Variants in HDAC4 observed in about 807,000 individuals in gnomAD.
HDAC4 encodes the protein histone deacetylase A.
Under a neutral mutation model 135.1 loss-of-function variants are expected in HDAC4, and 16 were observed. That is an observed-to-expected ratio of 0.12 (90% CI 0.08 to 0.18). The LOEUF is 0.18. Among genes scored for constraint, HDAC4 ranks in the 10% least tolerant of loss-of-function variants. HDAC4 has a pLI of 1.00. For synonymous variants in HDAC4, 685 were observed against 653.4 expected (o/e 1.05, Z -0.74); for missense variants, 1,143 against 1,511.8 (o/e 0.76, Z 4.05).
intron 2 of HDAC4, among the ~76,000 whole-genome samples, chr2:239,268,315 G>A (rs1220439843): frequency 1.3e-5 from 2 of 152,204 alleles, no homozygotes; most frequent in East Asian, 1.9e-4. Context: ...GGCCTGTCCT[G>A]GAAGGAGCAG....
At chr2:239,279,309 A>G (rs1460392445) in intron 2 of HDAC4, among the ~76,000 whole-genome samples, 1 of 152,262 alleles carries the variant, frequency 6.6e-6, no homozygotes, top group Non-Finnish European at 1.5e-5. Context: ...CAAATGACTC[A>G]TTAGAGGGAT....
intron 2 of HDAC4, among the ~76,000 whole-genome samples, chr2:239,333,667 A>G (rs1691731824): frequency 6.6e-6 from 1 of 152,214 alleles, no homozygotes; most frequent in African/African-American, 2.4e-5. Flanking sequence ...ATGCAGAAAA[A>G]GTCTAATACA....
At position 239,126,670 on chromosome 2, in the gene HDAC4, G is replaced by A. The variant is rs2040212871; in HGVS notation, c.1319C>T (p.Ala440Val). Residue 440 changes from alanine to valine, a missense_variant, in exon 12 of 27, where the codon GCA (alanine) becomes GTA (valine). Transcript: ENST00000543185. ...CAAGGACTGTGCGTGGAGGGGCAGTGCTCCCAGGCCTGAAAGATACCAGTC... is the reference window on the plus strand; with the variant it reads ...CAAGGACTGTGCGTGGAGGGGCAGTACTCCCAGGCCTGAAAGATACCAGTC... ...VTDWYLSGLG[A>V]LPLHAQSLVG... The A allele has an allele frequency of 6.2e-7, 1 of 1,613,844 alleles. No individual in the cohort carries two copies. The highest frequency in any genetic ancestry group is 1.1e-5 in the South Asian group (1 of 91,088).
Position 239,358,288 on chromosome 2 carries a change from C to T in HDAC4, c.-219-5370G>A, listed in dbSNP as rs189550478. On this transcript the variant is annotated intron_variant, in intron 1 of 26. Transcript: ENST00000543185. ...TGGACTCACAGATAGTTACGTTATC[C>T]GCTGTGTTATTAGTCCCATACTGCC... is the stretch of plus-strand genomic sequence containing the variant. Among the ~76,000 whole-genome samples, 200 of 152,298 alleles carry T rather than the reference C, an allele frequency of 1.3e-3. 1 individual carries two copies. The highest frequency in any genetic ancestry group is 9.3e-4 in the Non-Finnish European group (63 of 68,030).
Position 239,352,743 on chromosome 2 carries a change from A to T in HDAC4, c.-44T>A. The T allele has an allele frequency of 1.3e-6, 2 of 1,544,444 alleles. No individual in the cohort carries two copies. Among genetic ancestry groups the T allele is most frequent in the Middle Eastern group, 1.7e-4 (1 of 5,988 alleles). On this transcript the variant is annotated 5_prime_UTR_variant, in exon 2 of 27. Transcript: ENST00000543185. This position sits in a 1 kb window ranked among gnomAD's most constrained non-coding sequence, Gnocchi z 4.4. ...CTTTAAGTGATTCGAAATGGCTCAA[A>T]ATTTCCACGGAAACGATAGCTCCAA...
At chr2:239,101,547 T>C (rs978368364) in intron 16 of HDAC4, among the ~76,000 whole-genome samples, 2 of 152,136 alleles carry the variant, frequency 1.3e-5, no homozygotes. Context: ...CCTGCGTTCA[T>C]GGTTCCTAGT....
intron 7 of HDAC4, among the ~76,000 whole-genome samples, chr2:239,153,361 A>G (rs1460525702): frequency 1.3e-5 from 2 of 152,262 alleles, no homozygotes; most frequent in Non-Finnish European, 2.9e-5. Context: ...TAATTATTTA[A>G]GTCTACATCA....
chr2:239,139,748 T>C lies in HDAC4; in HGVS notation c.914A>G (p.Asn305Ser). The C allele has an allele frequency of 6.2e-7, 1 of 1,614,102 alleles. No individual in the cohort carries two copies. The highest frequency in any genetic ancestry group is 8.5e-7 in the Non-Finnish European group (1 of 1,179,998). The part of the protein sequence containing the change: ...APGSGPSSPN[N>S]SSGSVSAENG... ...CTCCGCGCTGACGCTCCCGGAGCTGTTGTTGGGTGAGCTGGGTCCGGAGCC... is the reference window on the plus strand; with the variant it reads ...CTCCGCGCTGACGCTCCCGGAGCTGCTGTTGGGTGAGCTGGGTCCGGAGCC... The change falls in exon 9 of 27, where the codon AAC (asparagine) becomes AGC (serine). Residue 305 changes from asparagine to serine, a missense_variant. Transcript: ENST00000543185. This position sits in a 1 kb window ranked among gnomAD's most constrained non-coding sequence, Gnocchi z 5.3.
intron 2 of HDAC4, among the ~76,000 whole-genome samples, chr2:239,268,026 C>T (rs1333185370): frequency 3.9e-5 from 6 of 152,260 alleles, no homozygotes; most frequent in Non-Finnish European, 8.8e-5. Flanking sequence ...ATCTGAATTT[C>T]TCTAACTGTT....
intron 3 of HDAC4, among the ~76,000 whole-genome samples, chr2:239,226,257 G>A (rs1004928278): frequency 2.6e-5 from 4 of 151,968 alleles, no homozygotes; most frequent in Non-Finnish European, 4.4e-5. Context: ...GTGACACTCC[G>A]AATACACAAA....
At chr2:239,305,198 G>T (rs971327494) in intron 2 of HDAC4, among the ~76,000 whole-genome samples, 1 of 152,234 alleles carries the variant, frequency 6.6e-6, no homozygotes, top group African/African-American at 2.4e-5. Flanking sequence ...GAGGATTGCT[G>T]CTGTGTTTTC....
chr2:239,101,881 C>CG (rs2037679627), intron 16 of HDAC4, among the ~76,000 whole-genome samples: 1 of 145,526 alleles, frequency 6.9e-6, no homozygotes, highest in Non-Finnish European at 1.5e-5. Context: ...CCCCCGGCCC[C>CG]GGGTCTGGGT....
At chr2:239,187,338 C>T (rs890153691) in intron 4 of HDAC4, among the ~76,000 whole-genome samples, 13 of 152,188 alleles carry the variant, frequency 8.5e-5, no homozygotes, top group African/African-American at 2.4e-4. Context: ...GAAGGAGCTA[C>T]GGTACTCATT....
At chr2:239,340,258 G>A (rs952575114) in intron 2 of HDAC4, among the ~76,000 whole-genome samples, 17 of 152,188 alleles carry the variant, frequency 1.1e-4, no homozygotes, top group East Asian at 3.8e-4. Flanking sequence ...AGCCCCACCC[G>A]TCTTCCTGAA....
chr2:239,301,287 G>A (rs1178345054), intron 2 of HDAC4, among the ~76,000 whole-genome samples: 1 of 152,134 alleles, frequency 6.6e-6, no homozygotes, highest in African/African-American at 2.4e-5. Context: ...TGGGGCGTAT[G>A]CAGCGTGGGA....
intron 2 of HDAC4, among the ~76,000 whole-genome samples, chr2:239,263,757 G>T (rs557387401): frequency 8.0e-4 from 122 of 152,318 alleles, no homozygotes; most frequent in African/African-American, 2.8e-3. Flanking sequence ...CCGACGGGGG[G>T]ACAGAGCCCA....
At chr2:239,061,890 T>G (rs2032794642) in intron 24 of HDAC4, among the ~76,000 whole-genome samples, 1 of 152,220 alleles carries the variant, frequency 6.6e-6, no homozygotes, top group Admixed American at 6.5e-5. Flanking sequence ...AAATGCCCCA[T>G]GACTAAAGTA....
intron 5 of HDAC4, among the ~76,000 whole-genome samples, chr2:239,166,807 A>C (rs554664218): frequency 2.1e-4 from 32 of 152,362 alleles, no homozygotes; most frequent in African/African-American, 6.7e-4. Context: ...GTGAGCAGAG[A>C]ACACAGAAGG....
intron 2 of HDAC4, among the ~76,000 whole-genome samples, chr2:239,250,028 T>A (rs1043318298): frequency 2.6e-5 from 4 of 152,070 alleles, no homozygotes. Flanking sequence ...TGCACAGCCC[T>A]CCCGCCTCTG....
Sources: gnomAD v4.1 joint callset for allele counts (sites outside exome capture counted in the v4.1 genomes callset) on GRCh38, gnomAD v4.1.1 for gene constraint, Gnocchi (gnomAD v3.1) non-coding constraint, MANE v1.5 for transcripts, NCBI Gene and HGNC (gene_info 2026-07-23, HGNC 2026-07-21) for gene names.